LANCL1: variants seen among roughly 807,000 people sequenced by gnomAD.
LANCL1 encodes the protein glutathione S-transferase LANCL1.
Under a neutral mutation model 50.6 loss-of-function variants are expected in LANCL1, and 50 were observed. The observed-to-expected ratio is 0.99, with a 90% CI of 0.79 to 1.25. The LOEUF is 1.25. LANCL1 is among the 50% of genes most tolerant of loss of function. The pLI, the probability that LANCL1 is intolerant of heterozygous loss-of-function variation, is 0.00. For synonymous variants in LANCL1, 188 were observed against 178.6 expected (o/e 1.05, Z -0.42); for missense variants, 532 against 480.7 (o/e 1.11, Z -1.00).
At chr2:210,441,040 G>A (rs1428531012) in intron 5 of LANCL1, among the ~76,000 whole-genome samples, 1 of 152,180 alleles carries the variant, frequency 6.6e-6, no homozygotes, top group Non-Finnish European at 1.5e-5. Context: ...CTCCATCTGG[G>A]AGGTGAAATT....
intron 5 of LANCL1, 27 bp downstream of exon 5, chr2:210,441,281 G>C (rs915080606): frequency 2.1e-5 from 33 of 1,601,704 alleles, no homozygotes; most frequent in Non-Finnish European, 2.8e-5. Context: ...TCCTAAAAAG[G>C]CTCCTAAAAA....
intron 1 of LANCL1, 41 bp downstream of exon 1, chr2:210,476,579 A>G: frequency 7.3e-7 from 1 of 1,367,608 alleles, no homozygotes; most frequent in Non-Finnish European, 9.5e-7. Flanking sequence ...CTGCTAGGAC[A>G]TGGCGCCTTC....
intron 7 of LANCL1, 76 bp from the exon 8 acceptor site, chr2:210,436,468 A>C: frequency 5.8e-6 from 8 of 1,368,032 alleles, no homozygotes; most frequent in Non-Finnish European, 7.2e-6. Flanking sequence ...CTGATAGATA[A>C]GAAGGAAAGA....
intron 3 of LANCL1, among the ~76,000 whole-genome samples, chr2:210,464,983 A>AAAACAAAAAAAC (rs767180934): frequency 0.29 from 18,557 of 64,448 alleles, 1,796 homozygotes; most frequent in East Asian, 0.51. Flanking sequence ...AAAAAAAAAA[A>AAAACAAAAAAAC]AAAAAAAACT....
At chr2:210,475,784 T>C (rs923240789) in intron 2 of LANCL1, among the ~76,000 whole-genome samples, 6 of 152,194 alleles carry the variant, frequency 3.9e-5, no homozygotes, top group Admixed American at 3.3e-4. Flanking sequence ...ATTTACAAGT[T>C]TCTTTTTTTT....
intron 4 of LANCL1, chr2:210,442,772 A>G (rs148114771): frequency 3.3e-4 from 50 of 152,394 alleles, no homozygotes; most frequent in African/African-American, 1.2e-3. Flanking sequence ...AAAAGTAGGC[A>G]CAAGTAGGCT....
chr2:210,474,730 A>AT (rs1344554352), intron 2 of LANCL1, among the ~76,000 whole-genome samples: 1 of 93,440 alleles, frequency 1.1e-5, no homozygotes, highest in African/African-American at 3.4e-5. Context: ...GTCTAAAAAA[A>AT]TAAAAATAAA....
chr2:210,451,290 G>A (rs375338324), intron 4 of LANCL1, among the ~76,000 whole-genome samples: 3 of 151,956 alleles, frequency 2.0e-5, no homozygotes, highest in Non-Finnish European at 2.9e-5. Flanking sequence ...ACATGGACAC[G>A]GGGAGGGGAA....
intron 3 of LANCL1, among the ~76,000 whole-genome samples, chr2:210,462,960 A>G (rs1693911249): frequency 6.6e-6 from 1 of 152,162 alleles, no homozygotes; most frequent in African/African-American, 2.4e-5. Flanking sequence ...TCCATCTTAT[A>G]GCTTATGAAT....
intron 3 of LANCL1, among the ~76,000 whole-genome samples, chr2:210,470,216 G>A (rs1040018951): frequency 6.6e-6 from 1 of 152,050 alleles, no homozygotes; most frequent in African/African-American, 2.4e-5. Flanking sequence ...GATAATAAAT[G>A]GCAGCTGTTA....
intron 3 of LANCL1, among the ~76,000 whole-genome samples, chr2:210,464,960 G>A (rs995864765): frequency 6.8e-5 from 7 of 103,358 alleles, no homozygotes; most frequent in South Asian, 3.1e-4. Flanking sequence ...GTGACAGGGC[G>A]AGACTCCGTC....
intron 4 of LANCL1, among the ~76,000 whole-genome samples, chr2:210,453,437 A>C (rs183472081): frequency 1.3e-3 from 199 of 152,294 alleles, no homozygotes; most frequent in African/African-American, 4.3e-3. Flanking sequence ...GCTACAGAAG[A>C]AGCTAAGCAG....
rs73069776 is a variant in LANCL1, at chr2:210,437,939, T to C, written c.691-67A>G. The stretch of plus-strand genomic sequence containing the variant: ...AAACCTTCCTAGGTCTCAGTATATT[T>C]AAACCAGAAAAAAAGCATGGCTAAG... On this transcript the variant is annotated intron_variant, in intron 6 of 9. Transcript: ENST00000450366. 3,835 of 1,161,950 alleles carry C rather than the reference T, an allele frequency of 3.3e-3. 103 individuals carry two copies. In the African/African-American group the frequency reaches 0.055, roughly 17 times the overall value. The allele number at this position is 1,161,950 out of a possible 1,614,324, so 72.0% of individuals were successfully genotyped here.
At chr2:210,444,597 T>C (rs1038548855) in intron 4 of LANCL1, among the ~76,000 whole-genome samples, 2 of 152,244 alleles carry the variant, frequency 1.3e-5, no homozygotes, top group Non-Finnish European at 2.9e-5. Flanking sequence ...TTGAGGCAAC[T>C]CAAATTAGTT....
At chr2:210,476,476 G>A (rs1170218165) in intron 1 of LANCL1, 64 bp from the exon 2 acceptor site, 4 of 1,362,486 alleles carry the variant, frequency 2.9e-6, no homozygotes, top group East Asian at 2.7e-5. Context: ...TTGCGAGGGC[G>A]GCGGCGGCGC....
intron 2 of LANCL1, among the ~76,000 whole-genome samples, chr2:210,475,586 A>T (rs1324363935): frequency 6.6e-6 from 1 of 152,140 alleles, no homozygotes; most frequent in African/African-American, 2.4e-5. Context: ...TCCTGCCTTG[A>T]TTTCCCAAAG....
chr2:210,461,877 C>T (rs1057315957), intron 3 of LANCL1, among the ~76,000 whole-genome samples: 1 of 152,114 alleles, frequency 6.6e-6, no homozygotes, highest in African/African-American at 2.4e-5. Context: ...TGAGATCAGC[C>T]ATCCCTTGGG....
At chr2:210,456,487 G>A (rs1241529176) in intron 3 of LANCL1, among the ~76,000 whole-genome samples, 1 of 151,776 alleles carries the variant, frequency 6.6e-6, no homozygotes, top group Non-Finnish European at 1.5e-5. Flanking sequence ...CTCTTTCAAA[G>A]TGGCTTGGTG....
At chr2:210,442,135 C>T (rs1164783770) in intron 4 of LANCL1, among the ~76,000 whole-genome samples, 1 of 152,034 alleles carries the variant, frequency 6.6e-6, no homozygotes, top group Non-Finnish European at 1.5e-5. Flanking sequence ...AATTCCCGAC[C>T]TCAGGTGATC....
Sources: allele counts gnomAD v4.1 joint callset (sites outside exome capture counted in the v4.1 genomes callset), GRCh38; gene constraint gnomAD v4.1.1; transcripts MANE v1.5; gene names NCBI Gene and HGNC (gene_info 2026-07-23, HGNC 2026-07-21).